The following ADAMTS17 variants were observed in gnomAD, a reference collection of about 807,000 sequenced individuals.
ADAMTS17 encodes A disintegrin and metalloproteinase with thrombospondin motifs 17.
In ADAMTS17, 113 loss-of-function variants were observed where a neutral mutation model predicts 141.5. That is an observed-to-expected ratio of 0.80 (90% CI 0.69 to 0.93). ADAMTS17 has a LOEUF of 0.93. Ranked by LOEUF, ADAMTS17 falls within the 40% of genes least tolerant of loss-of-function variation. The pLI is 0.00. For synonymous variants in ADAMTS17, 768 were observed against 630.6 expected, an observed-to-expected ratio of 1.22 and a Z score of -3.27; for missense variants, 1,659 against 1,517.9, an observed-to-expected ratio of 1.09 and a Z score of -1.54.
intron 6 of ADAMTS17, among the ~76,000 whole-genome samples, chr15:100,258,662 T>TCCCACCA (rs11274524): frequency 0.23 from 35,445 of 151,732 alleles, 4,415 homozygotes; most frequent in African/African-American, 0.31. Flanking sequence ...ACGATTCTAT[T>TCCCACCA]GGTCCCTCCC....
intron 7 of ADAMTS17, among the ~76,000 whole-genome samples, chr15:100,250,635 T>C (rs1596361864): frequency 6.6e-6 from 1 of 152,156 alleles, no homozygotes; most frequent in Admixed American, 6.5e-5. Context: ...TCATGGTGGA[T>C]GGACAAAGCT....
chr15:100,211,142 A>ATAAG (rs56752438), intron 7 of ADAMTS17, among the ~76,000 whole-genome samples: 1 of 148,610 alleles, frequency 6.7e-6, no homozygotes, highest in Non-Finnish European at 1.5e-5. Flanking sequence ...AAATAAATAA[A>ATAAG]AATACAAAAA....
intron 8 of ADAMTS17, among the ~76,000 whole-genome samples, chr15:100,197,873 A>G (rs2041179552): frequency 1.3e-5 from 2 of 152,230 alleles, no homozygotes; most frequent in Admixed American, 1.3e-4. Context: ...TGTCCTTTGC[A>G]GGGACATGGA....
At chr15:100,045,943 T>C (rs4965559) in intron 18 of ADAMTS17, among the ~76,000 whole-genome samples, 52,836 of 151,802 alleles carry the variant, frequency 0.35, 10,723 homozygotes, top group African/African-American at 0.55. Flanking sequence ...TGCAGTGGTG[T>C]GATCTCAGCT....
At chr15:100,023,284 C>T (rs1320114318) in intron 18 of ADAMTS17, among the ~76,000 whole-genome samples, 2 of 152,052 alleles carry the variant, frequency 1.3e-5, no homozygotes, top group African/African-American at 4.8e-5. Flanking sequence ...TCACTGCAAC[C>T]TCTGTCTCCT....
intron 8 of ADAMTS17, among the ~76,000 whole-genome samples, chr15:100,193,408 C>T (rs1236065891): frequency 6.6e-6 from 1 of 152,202 alleles, no homozygotes; most frequent in East Asian, 1.9e-4. Context: ...GGGTTATTTT[C>T]AGCACAGCCG....
intron 18 of ADAMTS17, among the ~76,000 whole-genome samples, chr15:100,045,397 A>T (rs2031606640): frequency 6.6e-6 from 1 of 152,102 alleles, no homozygotes; most frequent in South Asian, 2.1e-4. Context: ...GCAGCTCTAG[A>T]GTTTCATTTT....
chr15:100,260,933 TTTTG>T (rs2043493839), intron 6 of ADAMTS17, among the ~76,000 whole-genome samples: 1 of 152,334 alleles, frequency 6.6e-6, no homozygotes, highest in East Asian at 1.9e-4. Flanking sequence ...ATGTAACACA[TTTTG>T]TTTAAGTTAT....
At chr15:100,109,677 G>A (rs35123872) in intron 13 of ADAMTS17, among the ~76,000 whole-genome samples, 44,398 of 151,892 alleles carry the variant, frequency 0.29, 6,461 homozygotes, top group East Asian at 0.37. Context: ...CATGTGCGCC[G>A]CTAGGACAAC....
chr15:100,169,074 C>T (rs1442684178), intron 8 of ADAMTS17, among the ~76,000 whole-genome samples: 3 of 152,142 alleles, frequency 2.0e-5, no homozygotes, highest in Non-Finnish European at 4.4e-5. Context: ...CATCATATTC[C>T]CTTAGAGGTG....
At chr15:100,149,406 C>T (rs1567258209) in intron 10 of ADAMTS17, among the ~76,000 whole-genome samples, 2 of 152,234 alleles carry the variant, frequency 1.3e-5, no homozygotes, top group Non-Finnish European at 2.9e-5. Flanking sequence ...AACTTCCTCG[C>T]AGTTTCCATA....
At chr15:100,339,464 G>A (rs541493839) in intron 2 of ADAMTS17, among the ~76,000 whole-genome samples, 2 of 152,284 alleles carry the variant, frequency 1.3e-5, no homozygotes, top group South Asian at 2.1e-4. Flanking sequence ...GAAAAATGAT[G>A]TGGCCCTTCC....
intron 18 of ADAMTS17, among the ~76,000 whole-genome samples, chr15:100,009,364 C>T (rs1055289738): frequency 6.6e-6 from 1 of 152,108 alleles, no homozygotes; most frequent in African/African-American, 2.4e-5. Flanking sequence ...CACGGGTGCA[C>T]CTGACTAGCC....
intron 15 of ADAMTS17, among the ~76,000 whole-genome samples, chr15:100,082,992 C>G (rs1204197591): frequency 1.3e-5 from 2 of 152,106 alleles, no homozygotes; most frequent in Admixed American, 6.5e-5. Context: ...GGGAAAACTC[C>G]TAGAGCTGCT....
In ADAMTS17 at chr15:99,973,323, A is replaced by G. The variant is rs1028958390; in HGVS notation, c.*1079T>C. On this transcript the variant is annotated 3_prime_UTR_variant, in exon 22 of 22. Coordinates refer to ENST00000268070, the MANE Select transcript of ADAMTS17 (RefSeq NM_139057.4). ...ATGGCGTTCCTCCCCTGGTCCTGGC[A>G]CATCAGGCTGCTCCGTGCCAGGATA... 7.2e-5 allele frequency: 11 copies of G among 152,178 alleles called. No homozygotes were observed. The highest frequency in any genetic ancestry group is 2.7e-4 in the African/African-American group (11 of 41,412). The allele number at this position is 152,178 out of a possible 1,614,324, so 9.4% of individuals were successfully genotyped here. A position where few individuals can be genotyped will look rare whatever the true frequency, so the allele number is the denominator to read the frequency against.
At chr15:100,211,139 T>TAAATAAATAAATAAAA (rs1418716333) in intron 7 of ADAMTS17, among the ~76,000 whole-genome samples, 88 of 141,398 alleles carry the variant, frequency 6.2e-4, no homozygotes, top group East Asian at 1.0e-3. Flanking sequence ...AATAAATAAA[T>TAAATAAATAAATAAAA]AAAAATACAA....
chr15:100,200,632 G>A (rs1391626481), intron 7 of ADAMTS17, among the ~76,000 whole-genome samples: 1 of 152,204 alleles, frequency 6.6e-6, no homozygotes, highest in Non-Finnish European at 1.5e-5. Context: ...GGCTATAGGA[G>A]CTCAGTGCTC....
chr15:100,278,446 C>G (rs143518070), intron 4 of ADAMTS17, among the ~76,000 whole-genome samples: 404 of 152,306 alleles, frequency 2.7e-3, no homozygotes, highest in South Asian at 0.015. Context: ...CCCTCACATG[C>G]CCACTGAGGC....
chr15:100,281,830 C>T (rs557516958), intron 3 of ADAMTS17, among the ~76,000 whole-genome samples: 1 of 152,280 alleles, frequency 6.6e-6, no homozygotes, highest in East Asian at 1.9e-4. Flanking sequence ...ACAGGACACT[C>T]CCCTGGGGGC....
Sources: allele counts gnomAD v4.1 joint callset (sites outside exome capture counted in the v4.1 genomes callset), GRCh38; gene constraint gnomAD v4.1.1; transcripts MANE v1.5; gene names NCBI Gene and HGNC (gene_info 2026-07-23, HGNC 2026-07-21).